Variants in IFT52 observed in about 807,000 individuals in gnomAD.
IFT52 encodes the protein intraflagellar transport 52, also known as intraflagellar transport protein 52 homolog.
IFT52 carries 44 observed loss-of-function variants against 54.4 expected under a neutral mutation model. The ratio of observed to expected loss-of-function variants is 0.81; its 90% CI spans 0.63 to 1.04. The LOEUF (loss-of-function observed/expected upper bound fraction) is 1.04, where lower values mean the gene tolerates loss of function less well. Among genes scored for constraint, IFT52 ranks in the 50% least tolerant of loss-of-function variants. The pLI, the probability that IFT52 is intolerant of heterozygous loss-of-function variation, is 0.00. For synonymous variants in IFT52, 181 were observed against 185.3 expected (o/e 0.98, Z 0.19); for missense variants, 452 against 523.6 (o/e 0.86, Z 1.33).
At chr20:43,619,618 G>A (rs1342107853) in intron 8 of IFT52, among the ~76,000 whole-genome samples, 1 of 152,008 alleles carries the variant, frequency 6.6e-6, no homozygotes, top group African/African-American at 2.4e-5. Context: ...GGTAGGAATG[G>A]GAATTAGGAA....
At chr20:43,615,499 C>T (rs1274650236) in intron 7 of IFT52, among the ~76,000 whole-genome samples, 4 of 152,148 alleles carry the variant, frequency 2.6e-5, no homozygotes, top group Admixed American at 6.5e-5. Flanking sequence ...AATTACCTTT[C>T]CCTTCTTATT....
At chr20:43,637,036 G>A in intron 11 of IFT52, 109 bp from the exon 12 acceptor site, 1 of 707,030 alleles carries the variant, frequency 1.4e-6, no homozygotes, top group Admixed American at 2.4e-5. Context: ...TATTCTCCTT[G>A]TGTCTTATCA....
rs751726459 is a variant in IFT52 at position 43,618,968 on chromosome 20, G to A, written c.641G>A (p.Gly214Asp). ...CAAGGTGGGAAGCTGGCAGTGCTTG[G>A]TTCATGTCACATGTTCAGTGATCAA... The part of the protein sequence containing the change: ...KNQGGKLAVL[G>D]SCHMFSDQYL... The change falls in exon 8 of 14, where the codon GGT (glycine) becomes GAT (aspartate). Residue 214 changes from glycine to aspartate, a missense_variant. Coordinates refer to ENST00000373030, the MANE Select transcript of IFT52 (RefSeq NM_016004.5). The A allele has an allele frequency of 6.2e-7, 1 of 1,613,934 alleles. No individual in the cohort carries two copies. The highest frequency in any genetic ancestry group is 1.7e-5 in the Admixed American group (1 of 59,984).
At chr20:43,596,589 A>G (rs1179809869) in intron 3 of IFT52, 67 bp downstream of exon 3, 2 of 1,045,772 alleles carry the variant, frequency 1.9e-6, no homozygotes, top group Non-Finnish European at 3.0e-6. Flanking sequence ...GAAATACCGG[A>G]TTTGAATCCC....
In IFT52 at chr20:43,613,996, T is replaced by C; in HGVS notation, c.612+20T>C. ...TCAAAGGTACAGCTTTTCTTAGATA[T>C]GGGTATAGATGTTATTTTTATTGTT... On this transcript the variant is annotated intron_variant, in intron 7 of 13. Transcript: ENST00000373030. The C allele has an allele frequency of 1.9e-6, 3 of 1,575,640 alleles. No homozygotes were observed. Among genetic ancestry groups the C allele is most frequent in the South Asian group, 1.2e-5 (1 of 86,796 alleles).
chr20:43,610,941 T>A lies in IFT52; in HGVS notation c.486-2909T>A, dbSNP rs1266570341. Among the ~76,000 whole-genome samples the A allele has an allele frequency of 3.3e-5, 5 of 152,316 alleles. No individual in the cohort carries two copies. In the East Asian group the frequency reaches 9.6e-4, roughly 29 times the overall value. On this transcript the variant is annotated intron_variant, in intron 6 of 13. Coordinates refer to ENST00000373030, the MANE Select transcript of IFT52 (RefSeq NM_016004.5). ...TTCCCTATCTGTGTAGTGGGGATAA[T>A]GTTAACCTTACAAAATTGTTGGAAA...
chr20:43,631,218 A>G (rs575135930), intron 10 of IFT52, among the ~76,000 whole-genome samples: 1 of 152,306 alleles, frequency 6.6e-6, no homozygotes, highest in South Asian at 2.1e-4. Context: ...CTTCTATAAG[A>G]GATTATCCGA....
chr20:43,614,004 G>T, intron 7 of IFT52, 28 bp downstream of exon 7: 1 of 1,569,898 alleles, frequency 6.4e-7, no homozygotes, highest in Non-Finnish European at 8.7e-7. Flanking sequence ...TATGGGTATA[G>T]ATGTTATTTT....
At chr20:43,614,576 CTT>C (rs1286400623) in intron 7 of IFT52, among the ~76,000 whole-genome samples, 1 of 150,284 alleles carries the variant, frequency 6.7e-6, no homozygotes, top group Non-Finnish European at 1.5e-5. Flanking sequence ...ATGAAAATAA[CTT>C]TTAATCCTGT....
At chr20:43,591,888 A>G (rs1981552720) in intron 1 of IFT52, among the ~76,000 whole-genome samples, 1 of 152,148 alleles carries the variant, frequency 6.6e-6, no homozygotes, top group African/African-American at 2.4e-5. Flanking sequence ...TAAATAAATT[A>G]ATTTAAAAAG....
intron 10 of IFT52, among the ~76,000 whole-genome samples, chr20:43,630,271 G>T (rs1985067981): frequency 6.6e-6 from 1 of 152,100 alleles, no homozygotes; most frequent in African/African-American, 2.4e-5. Flanking sequence ...TGCTGTTTTG[G>T]CCTAATTCTC....
At chr20:43,615,620 G>A (rs925417583) in intron 7 of IFT52, among the ~76,000 whole-genome samples, 8 of 151,760 alleles carry the variant, frequency 5.3e-5, no homozygotes, top group Admixed American at 4.6e-4. Flanking sequence ...CTTGGCCAAC[G>A]TGATGAAACC....
intron 10 of IFT52, among the ~76,000 whole-genome samples, chr20:43,631,087 G>A (rs727837): frequency 2.3e-3 from 343 of 152,318 alleles, no homozygotes; most frequent in Non-Finnish European, 3.1e-3. Flanking sequence ...TTTTGGGGCA[G>A]ACCAAAGTAA....
At position 43,623,881 on chromosome 20, in the gene IFT52, T is replaced by C; in HGVS notation, c.769-10T>C. 1.2e-6 allele frequency: 2 copies of C among 1,613,570 alleles called. No individual in the cohort carries two copies. Among genetic ancestry groups the C allele is most frequent in the Non-Finnish European group, 1.7e-6 (2 of 1,179,674 alleles). ...TGCTGTGCTAAAAGGAACCCTCTTGTGGCTTTCAGATTTCTGACTACATGA... is the reference window on the plus strand; with the variant it reads ...TGCTGTGCTAAAAGGAACCCTCTTGCGGCTTTCAGATTTCTGACTACATGA... On this transcript the variant is annotated splice_polypyrimidine_tract_variant and intron_variant, in intron 9 of 13. Coordinates refer to ENST00000373030, the MANE Select transcript of IFT52 (RefSeq NM_016004.5).
intron 10 of IFT52, among the ~76,000 whole-genome samples, chr20:43,627,054 C>G (rs192864414): frequency 6.8e-4 from 104 of 152,124 alleles, no homozygotes; most frequent in African/African-American, 2.4e-3. Context: ...GTAGTCCCAG[C>G]TACTCGGGAG....
At chr20:43,626,899 C>T (rs1400794868) in intron 10 of IFT52, among the ~76,000 whole-genome samples, 2 of 152,028 alleles carry the variant, frequency 1.3e-5, no homozygotes, top group Non-Finnish European at 2.9e-5. Context: ...CACGGTGACT[C>T]AACGCCTGTA....
chr20:43,627,389 C>G (rs1014709471), intron 10 of IFT52, among the ~76,000 whole-genome samples: 1 of 152,166 alleles, frequency 6.6e-6, no homozygotes, highest in Non-Finnish European at 1.5e-5. Flanking sequence ...ATGGAGGTAA[C>G]TGGTGATCTA....
At chr20:43,636,937 T>A (rs765148508) in intron 11 of IFT52, among the ~76,000 whole-genome samples, 5 of 152,164 alleles carry the variant, frequency 3.3e-5, no homozygotes, top group Non-Finnish European at 5.9e-5. Context: ...TTTGGGTATT[T>A]CATCCTCAGG....
At chr20:43,592,546 C>G (rs1047210855) in intron 1 of IFT52, among the ~76,000 whole-genome samples, 4 of 147,178 alleles carry the variant, frequency 2.7e-5, no homozygotes, top group African/African-American at 1.0e-4. Context: ...TGCACTCCAG[C>G]TTAGGCCACA....
Sources: allele counts gnomAD v4.1 joint callset (sites outside exome capture counted in the v4.1 genomes callset), GRCh38; gene constraint gnomAD v4.1.1; transcripts MANE v1.5; gene names NCBI Gene and HGNC (gene_info 2026-07-23, HGNC 2026-07-21).